Variants in ACO1 observed in about 807,000 individuals in gnomAD.
ACO1 encodes aconitase 1.
Under a neutral mutation model 105.1 loss-of-function variants are expected in ACO1, and 78 were observed. The ratio of observed to expected loss-of-function variants is 0.74; its 90% CI spans 0.62 to 0.90. ACO1 has a LOEUF of 0.90. Among genes scored for constraint, ACO1 ranks in the 40% least tolerant of loss-of-function variants. The probability of loss-of-function intolerance (pLI) is 0.00; values close to 1 mark genes in which losing one functional copy is unlikely to be tolerated. For synonymous variants in ACO1, 364 were observed against 397.4 expected (o/e 0.92, Z 1.00); for missense variants, 965 against 1,111.1 (o/e 0.87, Z 1.87).
intron 1 of ACO1, among the ~76,000 whole-genome samples, chr9:32,397,425 C>A (rs1380890307): frequency 1.3e-5 from 2 of 152,070 alleles, no homozygotes; most frequent in African/African-American, 2.4e-5. Flanking sequence ...CAGATGCATC[C>A]CCATCAAATA....
In ACO1 at chr9:32,429,474, C is replaced by T; in HGVS notation, c.1540C>T (p.Pro514Ser). ...MTCIGNSGPL[P>S]EPVVEAITQG... is the part of the protein sequence containing the mutation. The stretch of plus-strand genomic sequence containing the variant: ...CTGCATTGGCAACAGTGGGCCTTTA[C>T]CTGAACCTGTGGTAGAAGCCATCAC... Residue 514 changes from proline (P) to serine (S), a missense_variant, in exon 13 of 21, where the codon CCT (proline) becomes TCT (serine). Coordinates refer to ENST00000309951, the MANE Select transcript of ACO1 (RefSeq NM_002197.3). The T allele has an allele frequency of 6.2e-7, 1 of 1,614,150 alleles. No individual in the cohort carries two copies. Among genetic ancestry groups the T allele is most frequent in the South Asian group, 1.1e-5 (1 of 91,080 alleles).
At chr9:32,389,645 C>G (rs894186135) in intron 1 of ACO1, among the ~76,000 whole-genome samples, 6 of 151,256 alleles carry the variant, frequency 4.0e-5, no homozygotes, top group African/African-American at 1.5e-4. Flanking sequence ...CTGACCGTCT[C>G]CCTAGATCGA....
chr9:32,430,288 G>T, intron 13 of ACO1, 130 bp from the exon 14 acceptor site: 1 of 885,370 alleles, frequency 1.1e-6, no homozygotes, highest in Non-Finnish European at 1.7e-6. Context: ...CCCTCTAGTG[G>T]GAGAGAACCA....
At position 32,424,593 on chromosome 9, in the gene ACO1, A is replaced by G; in HGVS notation, c.1116A>G (p.Gly372=). The G allele has an allele frequency of 6.2e-7, 1 of 1,613,994 alleles. No individual in the cohort carries two copies. The change falls in exon 10 of 21, where the codon GGA becomes GGG. Residue 372 remains glycine, a synonymous_variant. Transcript: ENST00000309951. ...AAACAGTAGTGCCTTGCTGTAGTGG[A>G]CCCAAAAGGCCTCAGGACAAAGTTG... ...DLKTVVPCCS[G]PKRPQDKVAV...
chr9:32,419,955 A>C (rs992200973), intron 7 of ACO1, among the ~76,000 whole-genome samples: 15 of 152,248 alleles, frequency 9.9e-5, no homozygotes, highest in Admixed American at 7.2e-4. Flanking sequence ...TGCTATCGTT[A>C]AAGTGCAAAA....
intron 1 of ACO1, among the ~76,000 whole-genome samples, chr9:32,392,733 T>C (rs1291647422): frequency 6.6e-6 from 1 of 152,224 alleles, no homozygotes; most frequent in African/African-American, 2.4e-5. Flanking sequence ...TTCATAACTG[T>C]TGCGGGAGGT....
In ACO1 at chr9:32,429,415, C is replaced by T; in HGVS notation, c.1485-4C>T. 6.2e-7 allele frequency: 1 copy of T among 1,613,948 alleles called. No homozygotes were observed. Among genetic ancestry groups the T allele is most frequent in the Non-Finnish European group, 8.5e-7 (1 of 1,179,862 alleles). On this transcript the variant is annotated splice_region_variant and splice_polypyrimidine_tract_variant and intron_variant, in intron 12 of 20. Transcript: ENST00000309951. ...TGTGTGTGTGCTTCTCTCTTGGTGT[C>T]TAGGTTTGACGTGGTGGGCTATGGC... is the stretch of plus-strand genomic sequence containing the variant.
intron 9 of ACO1, among the ~76,000 whole-genome samples, chr9:32,424,212 C>T (rs10970972): frequency 0.33 from 50,524 of 151,954 alleles, 8,882 homozygotes; most frequent in Middle Eastern, 0.53. Flanking sequence ...AACCCACCTT[C>T]GGCCTAACTT....
Position 32,430,639 on chromosome 9 carries a change from C to T in ACO1, c.1726+65C>T, listed in dbSNP as rs565631800. ...AATTCAGAAATATTACTAGAAGAAA[C>T]TGCTTTCCTTAATAAGAAATGAAGC... On this transcript the variant is annotated intron_variant, in intron 14 of 20. Coordinates refer to ENST00000309951, the MANE Select transcript of ACO1 (RefSeq NM_002197.3). 1.6e-4 allele frequency: 245 copies of T among 1,502,330 alleles called. 1 individual carries two copies. The African/African-American group carries it at 2.9e-3, about 18-fold the overall frequency. The allele number at this position is 1,502,330 out of a possible 1,614,324, so 93.1% of individuals were successfully genotyped here.
chr9:32,397,146 G>A (rs1233310684), intron 1 of ACO1, among the ~76,000 whole-genome samples: 2 of 152,280 alleles, frequency 1.3e-5, no homozygotes, highest in East Asian at 3.9e-4. Flanking sequence ...GTTCCTTTCT[G>A]TAGCATATGG....
At chr9:32,440,338 G>A (rs1056116753) in intron 18 of ACO1, 127 bp from the exon 19 acceptor site, 2 of 918,104 alleles carry the variant, frequency 2.2e-6, no homozygotes, top group African/African-American at 3.4e-5. Context: ...GGAATTTGTA[G>A]ACAAGATGAT....
Position 32,418,190 on chromosome 9 carries a change from T to G in ACO1, c.467T>G (p.Phe156Cys), listed in dbSNP as rs771535995. 4 of 1,614,184 alleles carry G rather than the reference T, an allele frequency of 2.5e-6. No homozygotes were observed. Among genetic ancestry groups the G allele is most frequent in the Non-Finnish European group, 8.5e-7 (1 of 1,180,020 alleles). ...EFERNRERFE[F>C]LKWGSQAFHN... is the part of the protein sequence containing the mutation. ...GAAAGAAATAGAGAGCGATTTGAAT[T>G]TTTAAAGGTATGGGCAGGGTCTGGT... Residue 156 changes from phenylalanine to cysteine, a missense_variant, in exon 5 of 21, where the codon TTT becomes TGT. Phe to Cys is a radical substitution (Grantham distance 205, BLOSUM62 -2). Coordinates refer to ENST00000309951, the MANE Select transcript of ACO1 (RefSeq NM_002197.3).
At chr9:32,445,314 T>G (rs1194896511) in intron 19 of ACO1, among the ~76,000 whole-genome samples, 2 of 152,246 alleles carry the variant, frequency 1.3e-5, no homozygotes, top group African/African-American at 4.8e-5. Context: ...TATTCAGGGA[T>G]TTGATTTCTT....
chr9:32,436,523 GTCC>G (rs1442914655), intron 18 of ACO1, 126 bp downstream of exon 18: 2 of 1,084,122 alleles, frequency 1.8e-6, no homozygotes, highest in Admixed American at 2.0e-5. Context: ...CCTAACTACA[GTCC>G]TCCTTGCCAG....
chr9:32,404,125 C>T (rs1821555940), intron 1 of ACO1, among the ~76,000 whole-genome samples: 1 of 152,116 alleles, frequency 6.6e-6, no homozygotes, highest in Non-Finnish European at 1.5e-5. Flanking sequence ...GAATTAGTCA[C>T]AAATCTCTTG....
At position 32,452,232 on chromosome 9, in the gene ACO1, C is replaced by T. The variant is rs538292251; in HGVS notation, c.*2121C>T. 5 of 152,394 alleles carry T rather than the reference C, an allele frequency of 3.3e-5. No individual in the cohort carries two copies. The highest frequency in any genetic ancestry group is 2.1e-4 in the South Asian group (1 of 4,830). The allele number at this position is 152,394 out of a possible 1,614,324, so 9.4% of individuals were successfully genotyped here. On this transcript the variant is annotated 3_prime_UTR_variant, in exon 21 of 21. Coordinates refer to ENST00000309951, the MANE Select transcript of ACO1 (RefSeq NM_002197.3). Reference sequence around the variant, plus strand: ...GCAGCTGGGGAGCTGTCTCGCTCCCCGCATTCAGTGGCTCCTGTGGTCTGT... The same window carrying T: ...GCAGCTGGGGAGCTGTCTCGCTCCCTGCATTCAGTGGCTCCTGTGGTCTGT...
chr9:32,412,779 A>C (rs1774527898), intron 4 of ACO1, among the ~76,000 whole-genome samples: 1 of 152,176 alleles, frequency 6.6e-6, no homozygotes, highest in Non-Finnish European at 1.5e-5. Context: ...ATCCTGTTTG[A>C]GATAGGATAA....
At chr9:32,413,399 G>A (rs576691139) in intron 4 of ACO1, among the ~76,000 whole-genome samples, 2 of 150,714 alleles carry the variant, frequency 1.3e-5, no homozygotes, top group South Asian at 2.1e-4. Flanking sequence ...CAGGGGAATC[G>A]CTTGAATCTG....
At chr9:32,394,406 G>A (rs533481314) in intron 1 of ACO1, among the ~76,000 whole-genome samples, 11 of 152,308 alleles carry the variant, frequency 7.2e-5, no homozygotes, top group Non-Finnish European at 1.5e-4. Flanking sequence ...AGGAGGATGG[G>A]GACTTTATCC....
Sources: allele counts gnomAD v4.1 joint callset (sites outside exome capture counted in the v4.1 genomes callset), GRCh38; gene constraint gnomAD v4.1.1; transcripts MANE v1.5; gene names NCBI Gene and HGNC (gene_info 2026-07-23, HGNC 2026-07-21).